The following ASAP1 variants were observed in gnomAD, a reference collection of about 807,000 sequenced individuals.
The protein encoded by ASAP1 is ArfGAP with SH3 domain, ankyrin repeat and PH domain 1, also known as arf-GAP with SH3 domain, ANK repeat and PH domain-containing protein 1.
In ASAP1, 43 loss-of-function variants were observed where a neutral mutation model predicts 145.2. The ratio of observed to expected loss-of-function variants is 0.30; its 90% CI spans 0.23 to 0.38. The LOEUF is 0.38. Among genes scored for constraint, ASAP1 ranks in the 10% least tolerant of loss-of-function variants. ASAP1 has a pLI of 1.00. For synonymous variants in ASAP1, 546 were observed against 515.5 expected (o/e 1.06, Z -0.80); for missense variants, 1,018 against 1,355.3 (o/e 0.75, Z 3.91).
chr8:130,291,537 A>G (rs1480811209), intron 3 of ASAP1, among the ~76,000 whole-genome samples: 1 of 152,100 alleles, frequency 6.6e-6, no homozygotes, highest in Non-Finnish European at 1.5e-5. Flanking sequence ...TTACCTTCCT[A>G]TCTCCCTCAG....
chr8:130,158,836 A>G (rs1162323970), intron 12 of ASAP1, among the ~76,000 whole-genome samples: 1 of 151,394 alleles, frequency 6.6e-6, no homozygotes, highest in Non-Finnish European at 1.5e-5. Context: ...GGTTCGCACC[A>G]TTCTCCTGCC....
intron 22 of ASAP1, among the ~76,000 whole-genome samples, 191 bp from the exon 23 acceptor site, chr8:130,115,926 C>T (rs1400518273): frequency 1.3e-5 from 2 of 152,208 alleles, no homozygotes; most frequent in Admixed American, 6.5e-5. Flanking sequence ...CAAACAATTG[C>T]AGGCAGAGCC....
intron 27 of ASAP1, among the ~76,000 whole-genome samples, chr8:130,063,120 T>C (rs1460159546): frequency 1.3e-5 from 2 of 152,182 alleles, no homozygotes; most frequent in African/African-American, 2.4e-5. Flanking sequence ...ATGAAAGATA[T>C]ACACTAACTC....
chr8:130,108,936 C>T (rs6996001), intron 24 of ASAP1, among the ~76,000 whole-genome samples: 2,438 of 151,766 alleles, frequency 0.016, 42 homozygotes, highest in African/African-American at 0.042. Context: ...CCACTACGCC[C>T]GGCTCATTTT....
intron 2 of ASAP1, among the ~76,000 whole-genome samples, chr8:130,380,668 T>C (rs1156620544): frequency 5.9e-5 from 9 of 152,158 alleles, no homozygotes; most frequent in Admixed American, 5.2e-4. Context: ...GTGCAACCCA[T>C]GCATGGAGTT....
intron 3 of ASAP1, among the ~76,000 whole-genome samples, chr8:130,336,954 T>C (rs1825074094): frequency 6.6e-6 from 1 of 152,166 alleles, no homozygotes; most frequent in Non-Finnish European, 1.5e-5. Flanking sequence ...TGTCTTGACC[T>C]TAGTATAAAA....
chr8:130,184,627 A>G (rs1814594334), intron 7 of ASAP1, among the ~76,000 whole-genome samples: 2 of 152,244 alleles, frequency 1.3e-5, no homozygotes. Context: ...GTTCTATGAT[A>G]AACTTTAACA....
At chr8:130,348,493 C>A (rs1234056239) in intron 3 of ASAP1, among the ~76,000 whole-genome samples, 1 of 152,180 alleles carries the variant, frequency 6.6e-6, no homozygotes, top group African/African-American at 2.4e-5. Flanking sequence ...CAACTGACCA[C>A]AAACAGCACC....
chr8:130,418,405 G>T (rs780947356), intron 1 of ASAP1, among the ~76,000 whole-genome samples: 1 of 152,030 alleles, frequency 6.6e-6, no homozygotes, highest in African/African-American at 2.4e-5. Context: ...AAAATTAGTC[G>T]GTCATGGTGG....
intron 11 of ASAP1, 57 bp downstream of exon 11, chr8:130,167,479 A>T (rs1565042048): frequency 1.5e-6 from 2 of 1,375,538 alleles, no homozygotes. Context: ...CACAAAGGGT[A>T]TTACAAGCAG....
At chr8:130,065,416 C>T (rs1404985535) in intron 27 of ASAP1, among the ~76,000 whole-genome samples, 3 of 152,140 alleles carry the variant, frequency 2.0e-5, no homozygotes, top group African/African-American at 7.2e-5. Context: ...AGCTTCATGA[C>T]GTCAGCATTC....
At chr8:130,401,814 A>G in intron 2 of ASAP1, 71 bp downstream of exon 2, 2 of 1,458,454 alleles carry the variant, frequency 1.4e-6, no homozygotes, top group Non-Finnish European at 1.9e-6. Context: ...TTGCATTTCA[A>G]CTCCCAAGAA....
chr8:130,401,747 A>T, intron 2 of ASAP1, 138 bp downstream of exon 2: 1 of 730,690 alleles, frequency 1.4e-6, no homozygotes. Flanking sequence ...TCTGTTCTCC[A>T]ATAACAATCG....
chr8:130,164,079 T>C (rs2097675150), intron 11 of ASAP1, among the ~76,000 whole-genome samples: 1 of 152,164 alleles, frequency 6.6e-6, no homozygotes, highest in African/African-American at 2.4e-5. Context: ...AAAAGATTCC[T>C]TCTGTTTCAT....
intron 13 of ASAP1, among the ~76,000 whole-genome samples, chr8:130,143,041 C>T (rs1375443231): frequency 1.3e-5 from 2 of 152,196 alleles, no homozygotes; most frequent in Admixed American, 1.3e-4. Flanking sequence ...TTCAATGCAT[C>T]ATTCCACAAG....
At chr8:130,381,845 G>A (rs7007359) in intron 2 of ASAP1, among the ~76,000 whole-genome samples, 3 of 151,920 alleles carry the variant, frequency 2.0e-5, no homozygotes, top group East Asian at 1.9e-4. Context: ...TGCCCTGCAC[G>A]CAGGCCTCTG....
intron 3 of ASAP1, among the ~76,000 whole-genome samples, chr8:130,248,684 G>C (rs533192434): frequency 6.6e-6 from 1 of 152,096 alleles, no homozygotes; most frequent in East Asian, 1.9e-4. Flanking sequence ...GAGACAAGCT[G>C]GGTATTACAT....
intron 3 of ASAP1, among the ~76,000 whole-genome samples, chr8:130,242,437 C>T (rs1321554462): frequency 6.6e-6 from 1 of 151,812 alleles, no homozygotes; most frequent in African/African-American, 2.4e-5. Context: ...ATGTGTTATT[C>T]CTTTAATAGG....
intron 13 of ASAP1, among the ~76,000 whole-genome samples, chr8:130,147,911 G>C (rs1217228166): frequency 6.6e-6 from 1 of 152,172 alleles, no homozygotes; most frequent in Middle Eastern, 3.2e-3. Context: ...GGTTGATTGA[G>C]AAAAAAGTGA....
Sources: allele counts gnomAD v4.1 joint callset (sites outside exome capture counted in the v4.1 genomes callset), GRCh38; gene constraint gnomAD v4.1.1; transcripts MANE v1.5; gene names NCBI Gene and HGNC (gene_info 2026-07-23, HGNC 2026-07-21).